The following NACC2 variants were observed in gnomAD, a reference collection of about 807,000 sequenced individuals.
The protein encoded by NACC2 is nucleus accumbens-associated protein 2.
NACC2 carries 8 observed loss-of-function variants against 25.1 expected under a neutral mutation model. The observed-to-expected ratio is 0.32, with a 90% confidence interval of 0.19 to 0.57. The LOEUF is 0.57. Among genes scored for constraint, NACC2 ranks in the 20% least tolerant of loss-of-function variants. The pLI is 0.89. For missense variants in NACC2, 644 were observed against 650.2 expected (o/e 0.99, Z 0.10); for synonymous variants, 435 against 294.7 (o/e 1.48, Z -4.88).
chr9:136,042,893 TACAGACACACACAGAGACACAGAGACAA>T (rs1564228099), intron 2 of NACC2, among the ~76,000 whole-genome samples: 2 of 78,492 alleles, frequency 2.5e-5, no homozygotes, highest in East Asian at 3.4e-4. Flanking sequence ...CACAGACACA[TACAGACACACACAGAGACACAGAGACAA>T]ACAGACACAC....
chr9:136,061,891 G>A (rs918988715), intron 1 of NACC2, among the ~76,000 whole-genome samples: 10 of 151,966 alleles, frequency 6.6e-5, no homozygotes, highest in South Asian at 6.2e-4. Flanking sequence ...AGGCCAAGGC[G>A]GGCGGATCAC....
chr9:136,049,386 G>A (rs989563852), intron 2 of NACC2, among the ~76,000 whole-genome samples: 49 of 152,324 alleles, frequency 3.2e-4, no homozygotes, highest in Middle Eastern at 6.8e-3. Context: ...GGACACCTGC[G>A]TTTCCTCATC....
intron 1 of NACC2, among the ~76,000 whole-genome samples, chr9:136,066,020 C>G (rs902380910): frequency 1.3e-5 from 2 of 151,690 alleles, no homozygotes; most frequent in African/African-American, 4.8e-5. Context: ...ATGGTGAAAA[C>G]CCATCTCTAC....
chr9:136,014,969 A>G (rs977641606), intron 3 of NACC2, among the ~76,000 whole-genome samples: 16 of 128,996 alleles, frequency 1.2e-4, no homozygotes, highest in African/African-American at 3.0e-4. Flanking sequence ...CTCAATGACC[A>G]TGAGATGTCA....
chr9:136,047,786 C>T (rs564288980), intron 2 of NACC2, among the ~76,000 whole-genome samples: 3 of 152,270 alleles, frequency 2.0e-5, no homozygotes, highest in South Asian at 2.1e-4. Context: ...GGCAGGTGGG[C>T]GTGAGGGCTT....
chr9:136,036,338 T>C (rs1354715726), intron 2 of NACC2, among the ~76,000 whole-genome samples: 1 of 152,044 alleles, frequency 6.6e-6, no homozygotes, highest in Non-Finnish European at 1.5e-5. Flanking sequence ...ACAATTACAA[T>C]GTCCAGCATC....
chr9:136,051,523 G>A (rs1032995545), intron 1 of NACC2, among the ~76,000 whole-genome samples: 133 of 152,180 alleles, frequency 8.7e-4, no homozygotes, highest in Non-Finnish European at 1.5e-3. Flanking sequence ...AGGGGGCGGG[G>A]GCGGCCCAGA....
At chr9:136,016,752 G>A (rs1840209203) in intron 2 of NACC2, among the ~76,000 whole-genome samples, 1 of 152,176 alleles carries the variant, frequency 6.6e-6, no homozygotes, top group African/African-American at 2.4e-5. Context: ...CTCCTAGGAG[G>A]GTGCTATGCA....
At chr9:136,091,791 A>C (rs558797402) in intron 1 of NACC2, among the ~76,000 whole-genome samples, 1 of 152,160 alleles carries the variant, frequency 6.6e-6, no homozygotes, top group East Asian at 1.9e-4. Flanking sequence ...AAATGATCTC[A>C]TCTCACCAAG....
At chr9:136,068,741 C>T (rs1841116543) in intron 1 of NACC2, among the ~76,000 whole-genome samples, 2 of 151,456 alleles carry the variant, frequency 1.3e-5, no homozygotes, top group Non-Finnish European at 2.9e-5. Flanking sequence ...AATAAAAACA[C>T]AGATAAACCA....
intron 2 of NACC2, among the ~76,000 whole-genome samples, chr9:136,049,257 G>A (rs1190590750): frequency 6.6e-6 from 1 of 152,202 alleles, no homozygotes; most frequent in East Asian, 1.9e-4. Flanking sequence ...TCTAGACCTG[G>A]CCGGGTGAGG....
At chr9:136,089,985 C>CAA (rs11442793) in intron 1 of NACC2, among the ~76,000 whole-genome samples, 6,651 of 139,370 alleles carry the variant, frequency 0.048, 168 homozygotes, top group Non-Finnish European at 0.066. Context: ...GATTTATATC[C>CAA]AAAAAAAAAA....
rs920509934 is a variant in NACC2 at position 136,019,087 on chromosome 9, AC to A, written c.887-2659del. On this transcript the variant is annotated intron_variant, in intron 2 of 5. Transcript: ENST00000277554. The surrounding 1 kb of genome is among the most constrained non-coding windows in gnomAD (Gnocchi z 5.2). Reference sequence around the variant, plus strand: ...GCACCGGGTGCTGCTGGCTAAAAACACCCCGCCCCGAGTGGAAGCTCGTCCG... The same window carrying A: ...GCACCGGGTGCTGCTGGCTAAAAACACCCGCCCCGAGTGGAAGCTCGTCCG... 2 of 151,140 alleles carry A rather than the reference AC, an allele frequency of 1.3e-5. No homozygotes were observed. The highest frequency in any genetic ancestry group is 4.9e-5 in the African/African-American group (2 of 40,984). 9.4% of individuals were successfully genotyped at this position (151,140 alleles called of 1,614,324 possible).
intron 2 of NACC2, among the ~76,000 whole-genome samples, chr9:136,030,626 G>C (rs1564224120): frequency 6.6e-6 from 1 of 151,858 alleles, no homozygotes; most frequent in Non-Finnish European, 1.5e-5. Context: ...AAAATAAAAA[G>C]AGGGTACTGG....
At chr9:136,026,876 G>A (rs144092806) in intron 2 of NACC2, among the ~76,000 whole-genome samples, 64 of 152,360 alleles carry the variant, frequency 4.2e-4, no homozygotes, top group African/African-American at 1.5e-3. Flanking sequence ...CAAGACGGTA[G>A]ATTAACCCAG....
At chr9:136,062,030 G>C (rs1564235303) in intron 1 of NACC2, among the ~76,000 whole-genome samples, 4 of 152,094 alleles carry the variant, frequency 2.6e-5, no homozygotes, top group Admixed American at 2.6e-4. Context: ...TGAGGCAGGA[G>C]AATCGCTTGA....
At chr9:136,021,072 G>A (rs1006474967) in intron 2 of NACC2, among the ~76,000 whole-genome samples, 13 of 152,168 alleles carry the variant, frequency 8.5e-5, no homozygotes, top group Admixed American at 2.0e-4. Context: ...TCCGATCTCT[G>A]AATGAAGATA....
chr9:136,038,937 G>C (rs1381495273), intron 2 of NACC2, among the ~76,000 whole-genome samples: 1 of 152,116 alleles, frequency 6.6e-6, no homozygotes, highest in Admixed American at 6.6e-5. Flanking sequence ...AAGGAGAAAA[G>C]GTAAATGAAC....
intron 2 of NACC2, among the ~76,000 whole-genome samples, chr9:136,039,890 A>C (rs1200307303): frequency 1.3e-5 from 2 of 152,114 alleles, no homozygotes; most frequent in African/African-American, 4.8e-5. Flanking sequence ...TCTGGAGTGG[A>C]GATCCAGAAA....
Sources: gnomAD v4.1 joint callset for allele counts (sites outside exome capture counted in the v4.1 genomes callset) on GRCh38, gnomAD v4.1.1 for gene constraint, Gnocchi (gnomAD v3.1) non-coding constraint, MANE v1.5 for transcripts, NCBI Gene and HGNC (gene_info 2026-07-23, HGNC 2026-07-21) for gene names.